The following SYNPO2 variants were observed in gnomAD, a reference collection of about 807,000 sequenced individuals.
The protein encoded by SYNPO2 is synaptopodin 2.
A neutral mutation model predicts 85.0 loss-of-function variants in SYNPO2; 56 were observed. The ratio of observed to expected loss-of-function variants is 0.66; its 90% CI spans 0.53 to 0.82. SYNPO2 has a LOEUF of 0.82. SYNPO2 is among the 40% of genes least tolerant of loss of function. The pLI is 0.00. For synonymous variants in SYNPO2, 602 were observed against 591.1 expected, an observed-to-expected ratio of 1.02 and a Z score of -0.27; for missense variants, 1,575 against 1,534.2, an observed-to-expected ratio of 1.03 and a Z score of -0.44.
intron 4 of SYNPO2, chr4:119,037,435 G>T: frequency 4.4e-6 from 5 of 1,129,438 alleles, no homozygotes; most frequent in Non-Finnish European, 5.4e-6. Context: ...CTTCTTGGAA[G>T]TAAATAACAA....
At position 119,027,106 on chromosome 4, in the gene SYNPO2, C is replaced by CTAAT; in HGVS notation, c.738_741dup (p.Glu248Ter). The stretch of plus-strand genomic sequence containing the variant: ...ATTGTCCACATAAATTCGATCCCTA[C>CTAAT]TAATGAGAAAGCAGACCCTTTCCTG... On this transcript the variant is annotated frameshift_variant, in exon 3 of 5. Coordinates refer to ENST00000307142, the MANE Select transcript of SYNPO2 (RefSeq NM_133477.3). LOFTEE classifies it high-confidence loss of function. The CTAAT allele has an allele frequency of 1.2e-6, 2 of 1,614,178 alleles. No individual in the cohort carries two copies. The highest frequency in any genetic ancestry group is 1.7e-6 in the Non-Finnish European group (2 of 1,180,044).
chr4:118,918,113 C>T (rs1284890953), intron 1 of SYNPO2, among the ~76,000 whole-genome samples: 1 of 152,102 alleles, frequency 6.6e-6, no homozygotes, highest in Non-Finnish European at 1.5e-5. Context: ...TATACAAATT[C>T]TTTGCCATAC....
intron 1 of SYNPO2, among the ~76,000 whole-genome samples, chr4:118,946,363 A>G (rs983277554): frequency 5.3e-5 from 8 of 152,238 alleles, no homozygotes; most frequent in African/African-American, 1.7e-4. Context: ...TCTTGACAAA[A>G]TGAGGGCTCA....
intron 1 of SYNPO2, among the ~76,000 whole-genome samples, chr4:118,879,254 C>T (rs1220856498): frequency 1.3e-5 from 2 of 152,188 alleles, no homozygotes; most frequent in African/African-American, 2.4e-5. Flanking sequence ...AGACCATGAA[C>T]CCACTGGAAT....
Position 119,057,540 on chromosome 4 carries a change from C to T in SYNPO2, c.3392C>T (p.Pro1131Leu), listed in dbSNP as rs976203193. The T allele has an allele frequency of 6.2e-7, 1 of 1,613,976 alleles. No individual in the cohort carries two copies. Among genetic ancestry groups the T allele is most frequent in the Non-Finnish European group, 8.5e-7 (1 of 1,180,034 alleles). The part of the protein sequence containing the change: ...GLEKANKRPT[P>L]WEAAAKSPLG... ...GAGAAAGCAAACAAGAGACCAACTCCTTGGGAAGCAGCAGCAAAGTCTCCT... is the reference window on the plus strand; with the variant it reads ...GAGAAAGCAAACAAGAGACCAACTCTTTGGGAAGCAGCAGCAAAGTCTCCT... The change falls in exon 5 of 5, where the codon CCT becomes CTT. Residue 1131 changes from proline (P) to leucine (L), a missense_variant. By Grantham distance (98) the Pro-to-Leu change is moderately conservative. Around this residue, in one of 3 missense-constraint regions of SYNPO2, gnomAD observed 1,508 missense variants for 1,446.8 expected, o/e 1.04. Transcript: ENST00000307142.
Position 119,030,705 on chromosome 4 carries a change from G to A in SYNPO2, c.1930G>A (p.Ala644Thr). ...GGTTTCAAGTCCGATTGCTGGCCCA[G>A]CACAGCCCCCTCCATGGCCCCAGCC... ...RGVSSPIAGP[A>T]QPPPWPQPAP... The change falls in exon 4 of 5, where the codon GCA becomes ACA. Residue 644 changes from alanine (A) to threonine (T), a missense_variant. Physicochemically the swap from Ala to Thr is moderately conservative, Grantham distance 58. Transcript: ENST00000307142. 5 of 1,614,098 alleles carry A rather than the reference G, an allele frequency of 3.1e-6. No individual in the cohort carries two copies. The highest frequency in any genetic ancestry group is 4.2e-6 in the Non-Finnish European group (5 of 1,180,044).
chr4:118,871,167 G>A (rs906686302), intron 1 of SYNPO2, among the ~76,000 whole-genome samples: 1 of 152,136 alleles, frequency 6.6e-6, no homozygotes, highest in Non-Finnish European at 1.5e-5. Context: ...ACACCAAACA[G>A]GTCAAATGTC....
intron 1 of SYNPO2, among the ~76,000 whole-genome samples, chr4:118,874,830 A>G (rs1483015098): frequency 6.6e-6 from 1 of 152,246 alleles, no homozygotes; most frequent in Non-Finnish European, 1.5e-5. Flanking sequence ...TGCTGCAAAA[A>G]TACACAAAAT....
chr4:118,965,053 C>T (rs1735260171), intron 1 of SYNPO2, among the ~76,000 whole-genome samples: 1 of 152,126 alleles, frequency 6.6e-6, no homozygotes, highest in South Asian at 2.1e-4. Context: ...ATGTACTGTG[C>T]ATCTTGTAGC....
intron 1 of SYNPO2, among the ~76,000 whole-genome samples, chr4:118,985,793 A>G (rs1355708167): frequency 2.0e-5 from 3 of 152,188 alleles, no homozygotes; most frequent in Non-Finnish European, 1.5e-5. Flanking sequence ...CTAATTCTGT[A>G]CCATGTCATC....
At chr4:118,938,148 C>CA (rs1292481389) in intron 1 of SYNPO2, among the ~76,000 whole-genome samples, 1 of 152,010 alleles carries the variant, frequency 6.6e-6, no homozygotes, top group Non-Finnish European at 1.5e-5. Flanking sequence ...CTAAAAAATA[C>CA]AAAAAATTAG....
chr4:118,979,278 T>C (rs886207413), intron 1 of SYNPO2, among the ~76,000 whole-genome samples: 1 of 152,178 alleles, frequency 6.6e-6, no homozygotes, highest in African/African-American at 2.4e-5. Flanking sequence ...TGCCGTAGCG[T>C]TGTTTTGCCA....
rs545238395 is a variant in SYNPO2 at position 118,899,485 on chromosome 4, T to C, written c.105+10344T>C. On this transcript the variant is annotated intron_variant, in intron 1 of 4. Coordinates refer to ENST00000307142, the MANE Select transcript of SYNPO2 (RefSeq NM_133477.3). ...ATGTGACCCCATGGGGTACAATGAT[T>C]CAAAGGTCTAGTGAAACTTTATTTC... 3.0e-4 allele frequency among the ~76,000 whole-genome samples: 46 copies of C among 152,326 alleles called. 1 individual carries two copies. In the South Asian group the frequency reaches 4.1e-3, roughly 14 times the overall value.
chr4:118,951,159 C>T (rs983170975), intron 1 of SYNPO2, among the ~76,000 whole-genome samples: 1 of 152,108 alleles, frequency 6.6e-6, no homozygotes, highest in African/African-American at 2.4e-5. Flanking sequence ...TTTCTATTAC[C>T]ACAGATCTTA....
intron 1 of SYNPO2, among the ~76,000 whole-genome samples, chr4:118,960,340 A>G (rs1735034954): frequency 6.6e-6 from 1 of 152,246 alleles, no homozygotes; most frequent in African/African-American, 2.4e-5. Context: ...AATAATGACA[A>G]TATCACTACA....
At chr4:118,876,386 A>G (rs1229493416) in intron 1 of SYNPO2, among the ~76,000 whole-genome samples, 1 of 151,744 alleles carries the variant, frequency 6.6e-6, no homozygotes, top group Admixed American at 6.6e-5. Flanking sequence ...GTGTTGCATC[A>G]CTCCCATCGC....
intron 4 of SYNPO2, chr4:119,034,702 GAA>G: frequency 1.0e-6 from 1 of 985,504 alleles, no homozygotes; most frequent in Non-Finnish European, 1.2e-6. Context: ...GAAGTGGGAG[GAA>G]GAAGGACTAA....
Position 119,031,893 on chromosome 4 carries a change from G to T in SYNPO2, c.3118G>T (p.Ala1040Ser). The T allele has an allele frequency of 6.2e-7, 1 of 1,614,168 alleles. No individual in the cohort carries two copies. Among genetic ancestry groups the T allele is most frequent in the Non-Finnish European group, 8.5e-7 (1 of 1,180,038 alleles). The change falls in exon 4 of 5, where the codon GCC becomes TCC. Residue 1040 changes from alanine (A) to serine (S), a missense_variant. By Grantham distance (99) the Ala-to-Ser change is moderately conservative. Transcript: ENST00000307142. ...YTSPPSFFAEASSPVSASPVP... is the reference protein window; with the variant it reads ...YTSPPSFFAESSSPVSASPVP... ...CTCTCCTCCTTCCTTCTTTGCAGAG[G>T]CCTCCTCACCAGTCAGTGCATCCCC...
intron 1 of SYNPO2, among the ~76,000 whole-genome samples, chr4:119,001,120 T>A (rs1040785893): frequency 5.3e-5 from 8 of 152,196 alleles, no homozygotes; most frequent in Admixed American, 1.3e-4. Flanking sequence ...TTGTGCCCCA[T>A]GGGGGGTGCC....
Sources: gnomAD v4.1 joint callset for allele counts (sites outside exome capture counted in the v4.1 genomes callset) on GRCh38, gnomAD v4.1.1 for gene constraint, gnomAD v4.1.1 regional missense constraint, MANE v1.5 for transcripts, NCBI Gene and HGNC (gene_info 2026-07-23, HGNC 2026-07-21) for gene names.